Variants in CYFIP1 observed in about 807,000 individuals in gnomAD.
CYFIP1 encodes the protein cytoplasmic FMR1 interacting protein 1, also known as cytoplasmic FMR1-interacting protein 1.
In CYFIP1, 58 loss-of-function variants were observed where a neutral mutation model predicts 163.5. The ratio of observed to expected loss-of-function variants is 0.35; its 90% CI spans 0.29 to 0.44. The LOEUF (loss-of-function observed/expected upper bound fraction) is 0.44, where lower values mean the gene tolerates loss of function less well. Ranked by LOEUF, CYFIP1 falls within the 20% of genes least tolerant of loss-of-function variation. The pLI, the probability that CYFIP1 is intolerant of heterozygous loss-of-function variation, is 1.00. For synonymous variants in CYFIP1, 663 were observed against 660.7 expected, an observed-to-expected ratio of 1.00 and a Z score of -0.05; for missense variants, 1,338 against 1,653.8, an observed-to-expected ratio of 0.81 and a Z score of 3.31.
At position 22,934,633 on chromosome 15, in the gene CYFIP1, G is replaced by T. The variant is rs182197380; in HGVS notation, c.901-740C>A. 9.5e-3 allele frequency among the ~76,000 whole-genome samples: 1,428 copies of T among 150,848 alleles called. 20 individuals carry two copies. The highest frequency in any genetic ancestry group is 0.034 in the African/African-American group (1,380 of 40,964). On this transcript the variant is annotated intron_variant, in intron 9 of 30. Coordinates refer to ENST00000617928, the MANE Select transcript of CYFIP1 (RefSeq NM_014608.6). ...CTGCCTCAGCCTCCCGAGGAGCTGGGACTACAGGCAACTGCCACCATGCCC... is the reference window on the plus strand; with the variant it reads ...CTGCCTCAGCCTCCCGAGGAGCTGGTACTACAGGCAACTGCCACCATGCCC...
intron 22 of CYFIP1, among the ~76,000 whole-genome samples, chr15:22,901,726 T>C (rs553571125): frequency 6.6e-6 from 1 of 152,356 alleles, no homozygotes; most frequent in Non-Finnish European, 1.5e-5. Flanking sequence ...TTGTGCCATG[T>C]AGCTCTCAGA....
At chr15:22,969,034 A>G (rs1447722820) in intron 1 of CYFIP1, among the ~76,000 whole-genome samples, 12 of 152,156 alleles carry the variant, frequency 7.9e-5, no homozygotes, top group Non-Finnish European at 1.5e-5. Flanking sequence ...CCAGGAAAAC[A>G]TGACTGCAAG....
At chr15:22,978,289 T>C (rs1437990170) in intron 1 of CYFIP1, among the ~76,000 whole-genome samples, 3 of 140,240 alleles carry the variant, frequency 2.1e-5, no homozygotes, top group African/African-American at 8.2e-5. Context: ...GAGGCATAGG[T>C]TGTGGCGAGC....
rs535640557 is a variant in CYFIP1, at chr15:22,895,855, G to T, written c.2589-2878C>A. On this transcript the variant is annotated intron_variant, in intron 22 of 30. Transcript: ENST00000617928. ...GAGCGCCCCTGGCTGGCAGTACCCTGAGGAGCGTCCCACCTCAGAGCTCGG... is the reference window on the plus strand; with the variant it reads ...GAGCGCCCCTGGCTGGCAGTACCCTTAGGAGCGTCCCACCTCAGAGCTCGG... Among the ~76,000 whole-genome samples, 3 of 152,326 alleles carry T rather than the reference G, an allele frequency of 2.0e-5. No individual in the cohort carries two copies. In the South Asian group the frequency reaches 6.2e-4, roughly 32 times the overall value.
chr15:22,922,818 C>A (rs565950679), intron 13 of CYFIP1, among the ~76,000 whole-genome samples: 1 of 152,112 alleles, frequency 6.6e-6, no homozygotes, highest in Non-Finnish European at 1.5e-5. Flanking sequence ...ATGGTGAAAC[C>A]CTGTCTCTAC....
intron 1 of CYFIP1, among the ~76,000 whole-genome samples, chr15:22,954,136 T>C (rs1323041386): frequency 6.6e-6 from 1 of 152,148 alleles, no homozygotes; most frequent in Non-Finnish European, 1.5e-5. Context: ...GGTACATTGA[T>C]GTCCACTGCT....
At chr15:22,927,729 C>A (rs1456445702) in intron 12 of CYFIP1, among the ~76,000 whole-genome samples, 177 bp downstream of exon 12, 1 of 152,012 alleles carries the variant, frequency 6.6e-6, no homozygotes, top group African/African-American at 2.4e-5. Flanking sequence ...AAAGGAGGCC[C>A]TTCATTTATT....
chr15:22,897,526 C>T (rs974612947), intron 22 of CYFIP1, among the ~76,000 whole-genome samples: 3 of 151,810 alleles, frequency 2.0e-5, no homozygotes, highest in Non-Finnish European at 4.4e-5. Flanking sequence ...CTCTGTCACC[C>T]AGGCTGGAGT....
At chr15:22,878,083 A>G (rs1345449054) in intron 26 of CYFIP1, among the ~76,000 whole-genome samples, 1 of 152,180 alleles carries the variant, frequency 6.6e-6, no homozygotes, top group Non-Finnish European at 1.5e-5. Flanking sequence ...ACCTAAAGAC[A>G]AGAGACTGCT....
intron 1 of CYFIP1, among the ~76,000 whole-genome samples, chr15:22,950,839 T>C (rs531795030): frequency 2.6e-5 from 4 of 152,266 alleles, no homozygotes; most frequent in South Asian, 2.1e-4. Flanking sequence ...TAAGGCTGCA[T>C]TGCAATGCCT....
In CYFIP1 at chr15:22,889,049, AAC is replaced by A. The variant is rs1491396486; in HGVS notation, c.2676+3839_2676+3840del. On this transcript the variant is annotated intron_variant, in intron 23 of 30. Coordinates refer to ENST00000617928, the MANE Select transcript of CYFIP1 (RefSeq NM_014608.6). ...GACAGACTCTGTCTCAAAAAAAAAA[AAC>A]ACACAAAAAAAACAAAAAACAAAAA... Among the ~76,000 whole-genome samples the A allele has an allele frequency of 1.6e-3, 246 of 152,170 alleles. 2 individuals carry two copies. The highest frequency in any genetic ancestry group is 5.6e-3 in the African/African-American group (233 of 41,514).
rs940408962 is a variant in CYFIP1, at chr15:22,917,294, A to G, written c.1674+494T>C. The stretch of plus-strand genomic sequence containing the variant: ...CAGCCCCAGGACGGAGGACAGACGC[A>G]GCGGTGTGGATTAAACCGGGTGTGA... On this transcript the variant is annotated intron_variant, in intron 15 of 30. Transcript: ENST00000617928. This position sits in a 1 kb window ranked among gnomAD's most constrained non-coding sequence, Gnocchi z 4.2. The G allele has an allele frequency of 5.4e-5, 73 of 1,357,130 alleles. No individual in the cohort carries two copies. The highest frequency in any genetic ancestry group is 6.4e-5 in the Non-Finnish European group (68 of 1,059,992). The allele number at this position is 1,357,130 out of a possible 1,614,324, so 84.1% of individuals were successfully genotyped here. A position where few individuals can be genotyped will look rare whatever the true frequency, so the allele number is the denominator to read the frequency against.
chr15:22,910,296 G>C (rs2060741521), intron 20 of CYFIP1, among the ~76,000 whole-genome samples: 2 of 152,070 alleles, frequency 1.3e-5, no homozygotes. Context: ...AGAGCGGCTG[G>C]GACTACAGGA....
At chr15:22,930,466 TAC>T (rs533578099) in intron 11 of CYFIP1, among the ~76,000 whole-genome samples, 3 of 149,972 alleles carry the variant, frequency 2.0e-5, no homozygotes, top group African/African-American at 4.9e-5. Context: ...GAGAAACAAT[TAC>T]AGTCAGATGC....
intron 1 of CYFIP1, among the ~76,000 whole-genome samples, chr15:22,950,893 CAAGAGA>C (rs1490583514): frequency 6.6e-6 from 1 of 152,146 alleles, no homozygotes; most frequent in Non-Finnish European, 1.5e-5. Flanking sequence ...CACCAAAGGG[CAAGAGA>C]GAGAGAGAGA....
chr15:22,979,812 C>A (rs778353786), intron 1 of CYFIP1, among the ~76,000 whole-genome samples: 5 of 152,126 alleles, frequency 3.3e-5, no homozygotes, highest in Non-Finnish European at 7.4e-5. Flanking sequence ...CTCACAGGGG[C>A]ACGAAACAAA....
chr15:22,878,451 T>G (rs1402612250), intron 26 of CYFIP1, among the ~76,000 whole-genome samples: 1 of 152,036 alleles, frequency 6.6e-6, no homozygotes, highest in East Asian at 1.9e-4. Flanking sequence ...GAGGAGCCCT[T>G]CAGCCACTAG....
chr15:22,921,787 A>C (rs1255383955), intron 13 of CYFIP1, among the ~76,000 whole-genome samples: 2 of 139,044 alleles, frequency 1.4e-5, no homozygotes, highest in African/African-American at 2.7e-5. Flanking sequence ...AAAAAAAAAG[A>C]AGCACGAGTT....
chr15:22,963,106 G>A (rs1008571927), intron 1 of CYFIP1, among the ~76,000 whole-genome samples: 8 of 152,200 alleles, frequency 5.3e-5, no homozygotes, highest in Non-Finnish European at 8.8e-5. Context: ...AGACACTGAT[G>A]TGTCTAGAGG....
Sources: gnomAD v4.1 joint callset for allele counts (sites outside exome capture counted in the v4.1 genomes callset) on GRCh38, gnomAD v4.1.1 for gene constraint, Gnocchi (gnomAD v3.1) non-coding constraint, MANE v1.5 for transcripts, NCBI Gene and HGNC (gene_info 2026-07-23, HGNC 2026-07-21) for gene names.